Variants in STT3B observed in about 807,000 individuals in gnomAD.
The protein encoded by STT3B is STT3 oligosaccharyltransferase complex catalytic subunit B, also known as dolichyl-diphosphooligosaccharide--protein glycosyltransferase subunit STT3B.
In STT3B, 29 loss-of-function variants were observed where a neutral mutation model predicts 96.8. That is an observed-to-expected ratio of 0.30 (90% CI 0.22 to 0.41). STT3B has a LOEUF of 0.41. Among genes scored for constraint, STT3B ranks in the 10% least tolerant of loss-of-function variants. STT3B has a pLI of 1.00. For synonymous variants in STT3B, 367 were observed against 360.0 expected (o/e 1.02, Z -0.22); for missense variants, 640 against 1,022.3 (o/e 0.63, Z 5.10).
At chr3:31,575,547 G>A (rs1482679511) in intron 1 of STT3B, among the ~76,000 whole-genome samples, 2 of 152,166 alleles carry the variant, frequency 1.3e-5, no homozygotes, top group African/African-American at 4.8e-5. Flanking sequence ...GATTGTTGGA[G>A]TTGAGATCAT....
chr3:31,567,184 C>G (rs1387607605), intron 1 of STT3B, among the ~76,000 whole-genome samples: 1 of 152,062 alleles, frequency 6.6e-6, no homozygotes, highest in Non-Finnish European at 1.5e-5. Flanking sequence ...AAATTAGGAC[C>G]CTGGCTTTGC....
At chr3:31,597,011 C>T (rs1698808085) in intron 4 of STT3B, 148 bp downstream of exon 4, 1 of 565,278 alleles carries the variant, frequency 1.8e-6, no homozygotes, top group African/African-American at 1.9e-5. Flanking sequence ...ACTCACAGGT[C>T]CTGTATACAC....
At chr3:31,621,672 T>A (rs954153559) in intron 9 of STT3B, among the ~76,000 whole-genome samples, 1 of 152,204 alleles carries the variant, frequency 6.6e-6, no homozygotes, top group Non-Finnish European at 1.5e-5. Flanking sequence ...GTTCTTCTCA[T>A]CCCGTTTTTG....
intron 9 of STT3B, chr3:31,620,110 A>G: frequency 2.1e-6 from 1 of 468,988 alleles, no homozygotes; most frequent in South Asian, 2.4e-5. Flanking sequence ...CCTTGTCTCT[A>G]CTAAAAATAC....
chr3:31,603,565 C>G (rs185324311), intron 5 of STT3B, among the ~76,000 whole-genome samples: 1 of 152,086 alleles, frequency 6.6e-6, no homozygotes, highest in East Asian at 1.9e-4. Context: ...CCTTATGTTG[C>G]ATTTGTAGAA....
rs147170776 is a variant in STT3B, at chr3:31,623,850, C to T, written c.1716C>T (p.Tyr572=). The T allele has an allele frequency of 8.1e-6, 13 of 1,603,134 alleles. No individual in the cohort carries two copies. The highest frequency in any genetic ancestry group is 1.1e-5 in the South Asian group (1 of 89,250). ...YSSPSVVLAS[Y]NHDGTRNILD... ...GTCCAAGTGTAGTCCTGGCCTCATA[C>T]AATCATGATGGGTAAGAAAATAACT... Residue 572 remains tyrosine, a synonymous_variant, in exon 11 of 16, where the codon TAC becomes TAT. Transcript: ENST00000295770.
At chr3:31,617,289 A>G (rs1334201050) in intron 7 of STT3B, among the ~76,000 whole-genome samples, 1 of 149,436 alleles carries the variant, frequency 6.7e-6, no homozygotes, top group Non-Finnish European at 1.5e-5. Context: ...GTCCCAAACT[A>G]TAAAAAGAAA....
At chr3:31,601,283 C>A (rs912495106) in intron 5 of STT3B, among the ~76,000 whole-genome samples, 7 of 151,966 alleles carry the variant, frequency 4.6e-5, no homozygotes, top group Middle Eastern at 3.4e-3. Flanking sequence ...TGCATAATGG[C>A]CAAAAATGAA....
chr3:31,608,062 A>G (rs541681581), intron 5 of STT3B, among the ~76,000 whole-genome samples: 2 of 152,314 alleles, frequency 1.3e-5, no homozygotes, highest in African/African-American at 4.8e-5. Context: ...TGTTTGTGGC[A>G]GATAAAGTTT....
intron 1 of STT3B, among the ~76,000 whole-genome samples, chr3:31,553,119 A>T (rs951543657): frequency 6.6e-6 from 1 of 151,382 alleles, no homozygotes. Flanking sequence ...AAAAAAAAAA[A>T]CCAAATAAAA....
rs200216238 is a variant in STT3B at position 31,576,435 on chromosome 3, G to A, written c.354G>A (p.Gly118=). 6.2e-6 allele frequency: 10 copies of A among 1,605,802 alleles called. No individual in the cohort carries two copies. In the Admixed American group the frequency reaches 1.5e-4, roughly 24 times the overall value. Residue 118 remains glycine (G), a synonymous_variant, in exon 2 of 16, where the codon GGG becomes GGA. Coordinates refer to ENST00000295770, the MANE Select transcript of STT3B (RefSeq NM_178862.3). ...YRSTHHLASH[G]FYEFLNWFDE... is the part of the protein sequence containing the mutation. ...CAACACATCATCTTGCATCTCATGG[G>A]TTCTATGAATTTTTAAATTGGTTTG...
At chr3:31,629,216 T>C (rs1699602678) in intron 13 of STT3B, 82 bp from the exon 14 acceptor site, 6 of 794,212 alleles carry the variant, frequency 7.6e-6, no homozygotes, top group Non-Finnish European at 1.1e-5. Flanking sequence ...AGCTTATTCT[T>C]ACAGGGAAAT....
At chr3:31,594,809 C>A (rs977256551) in intron 3 of STT3B, among the ~76,000 whole-genome samples, 2 of 152,052 alleles carry the variant, frequency 1.3e-5, no homozygotes, top group African/African-American at 4.8e-5. Flanking sequence ...ATGAAAGATA[C>A]CCTAAATTAT....
At position 31,579,966 on chromosome 3, in the gene STT3B, A is replaced by C; in HGVS notation, c.581A>C (p.Asn194Thr). The change falls in exon 3 of 16, where the codon AAC (asparagine) becomes ACC (threonine). Residue 194 changes from asparagine (N) to threonine (T), a missense_variant. Asn to Thr is a moderately conservative substitution (Grantham distance 65). Around this residue, in one of 8 missense-constraint regions of STT3B, gnomAD observed 267 missense variants for 388.3 expected, o/e 0.69. Coordinates refer to ENST00000295770, the MANE Select transcript of STT3B (RefSeq NM_178862.3). ...STFLLTRELWNQGAGLLAACF... is the reference protein window; with the variant it reads ...STFLLTRELWTQGAGLLAACF... ...TTCCTGCTTACAAGAGAACTTTGGAACCAAGGAGCAGGACTTTTAGCTGCT... is the reference window on the plus strand; with the variant it reads ...TTCCTGCTTACAAGAGAACTTTGGACCCAAGGAGCAGGACTTTTAGCTGCT... The C allele has an allele frequency of 6.8e-6, 11 of 1,613,846 alleles. No individual in the cohort carries two copies. The highest frequency in any genetic ancestry group is 9.3e-6 in the Non-Finnish European group (11 of 1,179,806).
chr3:31,621,624 A>G (rs1214864906), intron 9 of STT3B, among the ~76,000 whole-genome samples: 1 of 152,228 alleles, frequency 6.6e-6, no homozygotes, highest in African/African-American at 2.4e-5. Context: ...GTTTCTTGGC[A>G]GTAACTTTGC....
chr3:31,533,327 G>T lies in STT3B; in HGVS notation c.314+15G>T. On this transcript the variant is annotated intron_variant, in intron 1 of 15. Coordinates refer to ENST00000295770, the MANE Select transcript of STT3B (RefSeq NM_178862.3). ...TTCGACCCGTGGTAAGTGCCTCGCC[G>T]CCCCTCCCCCGCCCGTGGCCCGCGG... 1 of 1,507,538 alleles carries T rather than the reference G, an allele frequency of 6.6e-7. No homozygotes were observed. The highest frequency in any genetic ancestry group is 8.9e-7 in the Non-Finnish European group (1 of 1,126,558). The allele number at this position is 1,507,538 out of a possible 1,614,324, so 93.4% of individuals were successfully genotyped here.
At chr3:31,583,515 G>A (rs114515566) in intron 3 of STT3B, among the ~76,000 whole-genome samples, 388 of 152,088 alleles carry the variant, frequency 2.6e-3, no homozygotes, top group African/African-American at 9.1e-3. Flanking sequence ...TAGAGTTAAA[G>A]TCTGTCTTTT....
chr3:31,612,280 A>G (rs1366541797), intron 5 of STT3B, among the ~76,000 whole-genome samples: 1 of 152,180 alleles, frequency 6.6e-6, no homozygotes, highest in Non-Finnish European at 1.5e-5. Context: ...TACCTCCAAT[A>G]TGTAAACATC....
intron 1 of STT3B, among the ~76,000 whole-genome samples, chr3:31,551,201 T>TTTTGTTTGTTTG (rs147580075): frequency 2.9e-4 from 43 of 150,824 alleles, no homozygotes; most frequent in African/African-American, 9.3e-4. Context: ...TTTGGGTGTT[T>TTTTGTTTGTTTG]TTTGTTTGTT....
Sources: gnomAD v4.1 joint callset for allele counts (sites outside exome capture counted in the v4.1 genomes callset) on GRCh38, gnomAD v4.1.1 for gene constraint, gnomAD v4.1.1 regional missense constraint, MANE v1.5 for transcripts, NCBI Gene and HGNC (gene_info 2026-07-23, HGNC 2026-07-21) for gene names.